Variants in SRSF6 observed in about 807,000 individuals in gnomAD.
The protein encoded by SRSF6 is serine and arginine rich splicing factor 6.
SRSF6 carries 17 observed loss-of-function variants against 42.0 expected under a neutral mutation model. The observed-to-expected ratio is 0.40, with a 90% confidence interval of 0.28 to 0.61. The LOEUF is 0.61. SRSF6 is among the 20% of genes least tolerant of loss of function. The pLI, the probability that SRSF6 is intolerant of heterozygous loss-of-function variation, is 0.37. For synonymous variants in SRSF6, 204 were observed against 166.7 expected (o/e 1.22, Z -1.72); for missense variants, 379 against 471.4 (o/e 0.80, Z 1.81).
Position 43,461,157 on chromosome 20 carries a change from AT to A in SRSF6, c.*95del, listed in dbSNP as rs1313188610. 2.1e-6 allele frequency: 3 copies of A among 1,440,328 alleles called. No homozygotes were observed. Among genetic ancestry groups the A allele is most frequent in the Non-Finnish European group, 2.7e-6 (3 of 1,098,746 alleles). 89.2% of individuals were successfully genotyped at this position (1,440,328 alleles called of 1,614,324 possible). A position where few individuals can be genotyped will look rare whatever the true frequency, so the allele number is the denominator to read the frequency against. ...ATACTTGGCCTCTTCTGCAAGAGGA[AT>A]CTCTTGAAAACAGGGGCACACAGAA... On this transcript the variant is annotated 3_prime_UTR_variant, in exon 6 of 6. Transcript: ENST00000244020.
intron 2 of SRSF6, chr20:43,459,543 G>A: frequency 2.3e-6 from 3 of 1,307,296 alleles, no homozygotes; most frequent in Non-Finnish European, 3.0e-6. Flanking sequence ...TCGAATAAAG[G>A]AGCAGTCACT....
Position 43,460,550 on chromosome 20 carries a change from G to A in SRSF6, c.626G>A (p.Arg209His), listed in dbSNP as rs530196980. 44 of 1,614,034 alleles carry A rather than the reference G, an allele frequency of 2.7e-5. No individual in the cohort carries two copies. The highest frequency in any genetic ancestry group is 4.0e-5 in the African/African-American group (3 of 74,926). Residue 209 changes from arginine to histidine, a missense_variant, in exon 5 of 6, where the codon CGC (arginine) becomes CAC (histidine). Arg to His is a conservative substitution (Grantham distance 29). Around this residue, in one of 3 missense-constraint regions of SRSF6, gnomAD observed 219 missense variants for 216.1 expected, o/e 1.01. Transcript: ENST00000244020. ...RSRRRSRSRS[R>H]RSSRSRSRSI... ...AGAAGACGGTCACGAAGTAGGAGTC[G>A]CAGGAGCAGCCGCAGTAGATCTCGA...
At chr20:43,459,737 C>T (rs779301634) in intron 2 of SRSF6, 34 bp from the exon 3 acceptor site, 3 of 1,612,110 alleles carry the variant, frequency 1.9e-6, no homozygotes, top group South Asian at 1.1e-5. Flanking sequence ...TTTATCATTA[C>T]AAGGCATCTA....
Position 43,457,932 on chromosome 20 carries a change from G to C in SRSF6, c.-102G>C. The stretch of plus-strand genomic sequence containing the variant: ...GGACTCGGCCGCCCCTGTGGTGTGA[G>C]GCGCGTGTTCGGGCTCTTGCCGTCC... On this transcript the variant is annotated 5_prime_UTR_variant, in exon 1 of 6. Coordinates refer to ENST00000244020, the MANE Select transcript of SRSF6 (RefSeq NM_006275.6). 1.0e-6 allele frequency: 1 copy of C among 971,806 alleles called. No individual in the cohort carries two copies. Among genetic ancestry groups the C allele is most frequent in the South Asian group, 1.4e-5 (1 of 70,072 alleles). 60.2% of individuals were successfully genotyped at this position (971,806 alleles called of 1,614,324 possible).
chr20:43,458,817 C>A (rs1413045334), intron 2 of SRSF6, among the ~76,000 whole-genome samples: 4 of 149,228 alleles, frequency 2.7e-5, no homozygotes, highest in African/African-American at 1.0e-4. Context: ...GTTGTATTCT[C>A]CTTACTTACC....
intron 4 of SRSF6, 23 bp downstream of exon 4, chr20:43,460,264 G>A (rs1317931716): frequency 6.2e-7 from 1 of 1,610,866 alleles, no homozygotes; most frequent in East Asian, 2.2e-5. Context: ...AGGACACTGT[G>A]GGAAGGAAAC....
rs1216948418 is a variant in SRSF6, at chr20:43,460,134, T to A, written c.483T>A (p.Arg161=). 1.9e-6 allele frequency: 3 copies of A among 1,614,206 alleles called. No homozygotes were observed. The highest frequency in any genetic ancestry group is 1.7e-6 in the Non-Finnish European group (2 of 1,180,036). Residue 161 remains arginine (R), a synonymous_variant, in exon 4 of 6, where the codon CGT becomes CGA. Coordinates refer to ENST00000244020, the MANE Select transcript of SRSF6 (RefSeq NM_006275.6). The part of the protein sequence containing the change: ...IEFRSYSDMK[R]ALDKLDGTEI... ...TTCGCTCCTACTCTGACATGAAGCG[T>A]GCTTTGGACAAACTGGATGGCACAG...
intron 2 of SRSF6, chr20:43,459,075 T>C (rs1410858614): frequency 2.3e-6 from 3 of 1,290,348 alleles, no homozygotes; most frequent in Admixed American, 4.3e-5. Flanking sequence ...TTTTTGGTTA[T>C]GTTAAATGTT....
At chr20:43,460,391 G>A (rs2017564633) in intron 4 of SRSF6, 124 bp from the exon 5 acceptor site, 2 of 1,234,876 alleles carry the variant, frequency 1.6e-6, no homozygotes, top group Middle Eastern at 1.9e-4. Context: ...TGGATGTTTT[G>A]AACAGTGTAT....
At chr20:43,460,289 AAAAG>A (rs772791215) in intron 4 of SRSF6, 48 bp downstream of exon 4, 2 of 1,589,056 alleles carry the variant, frequency 1.3e-6, no homozygotes, top group Non-Finnish European at 1.7e-6. Context: ...TTTGCCAATA[AAAAG>A]GGAGTAATTG....
intron 4 of SRSF6, 81 bp downstream of exon 4, chr20:43,460,322 C>A: frequency 6.7e-7 from 1 of 1,497,058 alleles, no homozygotes; most frequent in Non-Finnish European, 9.2e-7. Flanking sequence ...CAATTGTTGC[C>A]TACTTGAATT....
At chr20:43,458,339 C>G (rs763396001) in intron 1 of SRSF6, 22 bp from the exon 2 acceptor site, 1 of 1,524,116 alleles carries the variant, frequency 6.6e-7, no homozygotes, top group Non-Finnish European at 8.8e-7. Context: ...CCGCGGTTGT[C>G]CGGCCCTCGC....
At chr20:43,459,071 G>A in intron 2 of SRSF6, 3 of 1,272,452 alleles carry the variant, frequency 2.4e-6, no homozygotes, top group Non-Finnish European at 3.1e-6. Flanking sequence ...GGGATTTTTG[G>A]TTATGTTAAA....
chr20:43,461,071 C>G lies in SRSF6; in HGVS notation c.*8C>G. ...TCGAGTTCCAGAGATTAACTCAGAA[C>G]TCCTTGTTTGCACATTATTATGGAA... On this transcript the variant is annotated 3_prime_UTR_variant, in exon 6 of 6. Coordinates refer to ENST00000244020, the MANE Select transcript of SRSF6 (RefSeq NM_006275.6). 1 of 1,551,730 alleles carries G rather than the reference C, an allele frequency of 6.4e-7. No individual in the cohort carries two copies. The highest frequency in any genetic ancestry group is 8.7e-7 in the Non-Finnish European group (1 of 1,151,718).
At chr20:43,460,392 A>C in intron 4 of SRSF6, 123 bp from the exon 5 acceptor site, 2 of 1,376,998 alleles carry the variant, frequency 1.5e-6, no homozygotes, top group Non-Finnish European at 2.0e-6. Context: ...GGATGTTTTG[A>C]ACAGTGTATT....
At chr20:43,460,664 C>G (rs200238032) in intron 5 of SRSF6, 39 bp from the exon 6 acceptor site, 196 of 1,612,364 alleles carry the variant, frequency 1.2e-4, no homozygotes, top group Admixed American at 4.2e-4. Context: ...TGTGTACATT[C>G]TCACTAAGTA....
chr20:43,461,674 T>TA lies in SRSF6; in HGVS notation c.*612dup, dbSNP rs2017602895. 6 of 152,762 alleles carry TA rather than the reference T, an allele frequency of 3.9e-5. No homozygotes were observed. Among genetic ancestry groups the TA allele is most frequent in the Middle Eastern group, 6.8e-3 (2 of 294 alleles). The allele number at this position is 152,762 out of a possible 1,614,324, so 9.5% of individuals were successfully genotyped here. ...GGCAAGCCTCAGACCAGCAATAAATTACTCAGTTTGGATAACATTATTTTG... is the reference window on the plus strand; with the variant it reads ...GGCAAGCCTCAGACCAGCAATAAATTAACTCAGTTTGGATAACATTATTTTG... On this transcript the variant is annotated 3_prime_UTR_variant, in exon 6 of 6. Coordinates refer to ENST00000244020, the MANE Select transcript of SRSF6 (RefSeq NM_006275.6).
At chr20:43,459,719 T>G (rs376568470) in intron 2 of SRSF6, 52 bp from the exon 3 acceptor site, 16 of 1,611,012 alleles carry the variant, frequency 9.9e-6, no homozygotes, top group Admixed American at 6.7e-5. Flanking sequence ...TCAAAGACAT[T>G]ATGCGTTTTT....
chr20:43,459,756 C>T lies in SRSF6; in HGVS notation c.257-15C>T, dbSNP rs1223743347. On this transcript the variant is annotated splice_polypyrimidine_tract_variant and intron_variant, in intron 2 of 5. Transcript: ENST00000244020. Reference sequence around the variant, plus strand: ...TCATTACAAGGCATCTAATTGTTCCCTTCATGTGATAAAGGTGGTGGAGGT... The same window carrying T: ...TCATTACAAGGCATCTAATTGTTCCTTTCATGTGATAAAGGTGGTGGAGGT... The T allele has an allele frequency of 6.2e-6, 10 of 1,612,476 alleles. No individual in the cohort carries two copies. Among genetic ancestry groups the T allele is most frequent in the Admixed American group, 5.0e-5 (3 of 60,000 alleles).
Sources: allele counts gnomAD v4.1 joint callset (sites outside exome capture counted in the v4.1 genomes callset), GRCh38; gene constraint gnomAD v4.1.1; regional missense constraint gnomAD v4.1.1; transcripts MANE v1.5; gene names NCBI Gene and HGNC (gene_info 2026-07-23, HGNC 2026-07-21).